The following AUH variants were observed in gnomAD, a reference collection of about 807,000 sequenced individuals.
The protein encoded by AUH is AU RNA binding methylglutaconyl-CoA hydratase, also known as methylglutaconyl-CoA hydratase, mitochondrial.
A neutral mutation model predicts 42.3 loss-of-function variants in AUH; 29 were observed. That is an observed-to-expected ratio of 0.69 (90% CI 0.51 to 0.93). The LOEUF is 0.93. Among genes scored for constraint, AUH ranks in the 40% least tolerant of loss-of-function variants. The pLI is 0.00. For missense variants in AUH, 452 were observed against 438.1 expected, an observed-to-expected ratio of 1.03 and a Z score of -0.28; for synonymous variants, 174 against 166.4, an observed-to-expected ratio of 1.05 and a Z score of -0.35.
intron 3 of AUH, among the ~76,000 whole-genome samples, chr9:91,344,104 C>G (rs1831306012): frequency 6.6e-6 from 1 of 152,150 alleles, no homozygotes; most frequent in African/African-American, 2.4e-5. Context: ...AACACAGGAC[C>G]TGAAGACTGA....
In AUH at chr9:91,323,578, G is replaced by T. The variant is rs978944754; in HGVS notation, c.505+1740C>A. ...GCGGAGGTTGCAGTGAGCTGAGATC[G>T]TGCCACTGCACTCCAGCCTGGTGAT... On this transcript the variant is annotated intron_variant, in intron 4 of 9. Transcript: ENST00000375731. Among the ~76,000 whole-genome samples the T allele has an allele frequency of 4.6e-5, 7 of 151,162 alleles. No homozygotes were observed. In the East Asian group the frequency reaches 1.4e-3, roughly 30 times the overall value.
chr9:91,230,744 C>T (rs1564014628), intron 6 of AUH, among the ~76,000 whole-genome samples: 1 of 152,090 alleles, frequency 6.6e-6, no homozygotes, highest in Non-Finnish European at 1.5e-5. Flanking sequence ...TGTGGATGTC[C>T]TTTCTGTTTG....
intron 1 of AUH, among the ~76,000 whole-genome samples, chr9:91,356,579 TTC>T (rs372258116): frequency 6.6e-6 from 1 of 152,156 alleles, no homozygotes; most frequent in African/African-American, 2.4e-5. Flanking sequence ...CTCTCCTGAT[TTC>T]TGTCTGATAT....
intron 6 of AUH, 31 bp from the exon 7 acceptor site, chr9:91,221,023 G>T: frequency 6.2e-7 from 1 of 1,608,730 alleles, no homozygotes; most frequent in African/African-American, 1.3e-5. Context: ...AAAAGGCAAT[G>T]ATTTGACACC....
chr9:91,263,572 A>G (rs1829813462), intron 6 of AUH, among the ~76,000 whole-genome samples: 1 of 152,238 alleles, frequency 6.6e-6, no homozygotes, highest in African/African-American at 2.4e-5. Flanking sequence ...ACGCCAAATT[A>G]GGAAATATTT....
chr9:91,267,821 A>C (rs573549238), intron 6 of AUH, among the ~76,000 whole-genome samples: 33 of 151,820 alleles, frequency 2.2e-4, no homozygotes, highest in Non-Finnish European at 1.5e-4. Flanking sequence ...CCTTTTCTCT[A>C]CTCTGTAAAT....
intron 6 of AUH, among the ~76,000 whole-genome samples, chr9:91,286,767 CCTAA>C (rs1035085916): frequency 5.9e-5 from 9 of 151,406 alleles, no homozygotes; most frequent in East Asian, 1.9e-4. Flanking sequence ...TACCTACCTA[CCTAA>C]CTACCTATCG....
chr9:91,287,255 G>A (rs1480829270), intron 6 of AUH, among the ~76,000 whole-genome samples: 2 of 151,996 alleles, frequency 1.3e-5, no homozygotes, highest in East Asian at 3.9e-4. Context: ...GAAACATTAG[G>A]CAAACTCAAA....
chr9:91,355,110 G>A (rs572877133), intron 3 of AUH, among the ~76,000 whole-genome samples: 3 of 152,000 alleles, frequency 2.0e-5, no homozygotes, highest in Admixed American at 1.3e-4. Context: ...AATTCTTTTC[G>A]GTATCCTACA....
At chr9:91,221,028 G>T in intron 6 of AUH, 36 bp from the exon 7 acceptor site, 1 of 1,607,092 alleles carries the variant, frequency 6.2e-7, no homozygotes. Flanking sequence ...GCAATGATTT[G>T]ACACCTGTTA....
At chr9:91,336,635 C>CA (rs1378508727) in intron 3 of AUH, among the ~76,000 whole-genome samples, 275 of 83,694 alleles carry the variant, frequency 3.3e-3, no homozygotes, top group African/African-American at 8.5e-3. Flanking sequence ...ACTCGGTCTC[C>CA]AAAAAAAAAA....
chr9:91,361,160 G>A lies in AUH; in HGVS notation c.262+468C>T, dbSNP rs368531773. On this transcript the variant is annotated intron_variant, in intron 1 of 9. Coordinates refer to ENST00000375731, the MANE Select transcript of AUH (RefSeq NM_001698.3). Reference sequence around the variant, plus strand: ...CTTTCTAAGAGAAAATGAACAAGAGGAAAAATTGTTCCAGCTGAGCAGCTT... The same window carrying A: ...CTTTCTAAGAGAAAATGAACAAGAGAAAAAATTGTTCCAGCTGAGCAGCTT... Among the ~76,000 whole-genome samples the A allele has an allele frequency of 3.9e-5, 6 of 152,284 alleles. No individual in the cohort carries two copies. In the East Asian group the frequency reaches 5.8e-4, roughly 15 times the overall value.
intron 4 of AUH, among the ~76,000 whole-genome samples, chr9:91,316,273 A>G (rs1829149012): frequency 6.6e-6 from 1 of 152,188 alleles, no homozygotes; most frequent in Non-Finnish European, 1.5e-5. Context: ...TACAGACAGA[A>G]GAACCATAAC....
chr9:91,277,577 G>GA (rs930351143), intron 6 of AUH, among the ~76,000 whole-genome samples: 9 of 152,034 alleles, frequency 5.9e-5, no homozygotes, highest in South Asian at 2.1e-4. Flanking sequence ...TAATTTTAGG[G>GA]AAAAAATCTA....
intron 6 of AUH, among the ~76,000 whole-genome samples, chr9:91,229,988 C>A (rs1249580424): frequency 6.6e-6 from 1 of 151,282 alleles, no homozygotes; most frequent in African/African-American, 2.4e-5. Flanking sequence ...CTGCCCTTAA[C>A]ATTTTTTCCT....
chr9:91,240,373 C>T (rs1273410000), intron 6 of AUH, among the ~76,000 whole-genome samples: 1 of 152,156 alleles, frequency 6.6e-6, no homozygotes, highest in East Asian at 1.9e-4. Flanking sequence ...TTCTCCTGCC[C>T]AACCCTCACT....
intron 6 of AUH, among the ~76,000 whole-genome samples, chr9:91,227,315 T>C (rs973093070): frequency 5.4e-5 from 7 of 128,696 alleles, no homozygotes; most frequent in African/African-American, 1.6e-4. Flanking sequence ...TTTGAAGCAA[T>C]TGTGAATGGG....
intron 6 of AUH, among the ~76,000 whole-genome samples, chr9:91,237,903 G>A (rs568131992): frequency 3.3e-5 from 5 of 152,236 alleles, no homozygotes; most frequent in African/African-American, 9.6e-5. Flanking sequence ...GATTTCATAT[G>A]GTATGTTCTG....
Position 91,216,097 on chromosome 9 carries a change from C to T in AUH, c.904G>A (p.Val302Ile). ...AINQGMEVDL[V>I]TGLAIEEACY... is the part of the protein sequence containing the mutation. ...GCTTCTTCTATGGCTAACCCTGTTA[C>T]TAAATCGACCTGAGAATAAAAACAT... Residue 302 changes from valine to isoleucine, a missense_variant, in exon 9 of 10, where the codon GTA (valine) becomes ATA (isoleucine). Transcript: ENST00000375731. 6.2e-7 allele frequency: 1 copy of T among 1,612,888 alleles called. No homozygotes were observed. Among genetic ancestry groups the T allele is most frequent in the African/African-American group, 1.3e-5 (1 of 75,036 alleles).
Sources: allele counts gnomAD v4.1 joint callset (sites outside exome capture counted in the v4.1 genomes callset), GRCh38; gene constraint gnomAD v4.1.1; transcripts MANE v1.5; gene names NCBI Gene and HGNC (gene_info 2026-07-23, HGNC 2026-07-21).